Variants in EXOC4 observed in about 807,000 individuals in gnomAD.
EXOC4 encodes the protein exocyst complex component 4.
In EXOC4, 71 loss-of-function variants were observed where a neutral mutation model predicts 107.2. That is an observed-to-expected ratio of 0.66 (90% confidence interval 0.55 to 0.81). EXOC4 has a LOEUF of 0.81. Among genes scored for constraint, EXOC4 ranks in the 30% least tolerant of loss-of-function variants. The pLI is 0.00. For missense variants in EXOC4, 1,108 were observed against 1,189.6 expected (o/e 0.93, Z 1.01); for synonymous variants, 456 against 441.2 (o/e 1.03, Z -0.42).
intron 10 of EXOC4, among the ~76,000 whole-genome samples, chr7:133,779,272 A>G (rs1259147291): frequency 3.9e-5 from 6 of 152,178 alleles, no homozygotes; most frequent in South Asian, 4.1e-4. Context: ...TTTAAATGCT[A>G]TGTATTTAAT....
Position 133,897,060 on chromosome 7 carries a change from T to G in EXOC4, c.1871+1325T>G, listed in dbSNP as rs186717676. On this transcript the variant is annotated intron_variant, in intron 12 of 17. Transcript: ENST00000253861. ...AGGAGATAATGTTGAATAGGAAGATTAAGACCAACTAAAAAGGGGTCATAA... is the reference window on the plus strand; with the variant it reads ...AGGAGATAATGTTGAATAGGAAGATGAAGACCAACTAAAAAGGGGTCATAA... Among the ~76,000 whole-genome samples, 27 of 149,472 alleles carry G rather than the reference T, an allele frequency of 1.8e-4. No individual in the cohort carries two copies. In the East Asian group the frequency reaches 4.5e-3, roughly 25 times the overall value.
At chr7:133,393,143 A>G (rs542808343) in intron 7 of EXOC4, among the ~76,000 whole-genome samples, 103 of 152,204 alleles carry the variant, frequency 6.8e-4, no homozygotes, top group Admixed American at 3.9e-4. Context: ...TGTCTTACCT[A>G]TGAAGCATCC....
chr7:134,024,676 C>T (rs989493604), intron 17 of EXOC4, among the ~76,000 whole-genome samples: 3 of 152,168 alleles, frequency 2.0e-5, no homozygotes, highest in Non-Finnish European at 4.4e-5. Context: ...CAAAGTGCAT[C>T]TTCCATCATA....
chr7:133,801,406 A>C (rs1449370513), intron 10 of EXOC4, among the ~76,000 whole-genome samples: 3 of 152,176 alleles, frequency 2.0e-5, no homozygotes, highest in Non-Finnish European at 4.4e-5. Flanking sequence ...CAGATTGACT[A>C]AATGAGGCTC....
At position 133,823,853 on chromosome 7, in the gene EXOC4, ATATATATATATATATATAT is replaced by A. The variant is rs1563014608; in HGVS notation, c.1734+6329_1734+6347del. Among the ~76,000 whole-genome samples, 18 of 15,968 alleles carry A rather than the reference ATATATATATATATATATAT, an allele frequency of 1.1e-3. 1 individual carries two copies. Among genetic ancestry groups the A allele is most frequent in the Non-Finnish European group, 1.3e-3 (15 of 11,248 alleles). 10.5% of individuals were successfully genotyped at this position (15,968 alleles called of 152,430 possible). ...ATATATATATATATATTATATATAT[ATATATATATATATATATAT>A]TATATATATATATATATATATTTTA... On this transcript the variant is annotated intron_variant, in intron 11 of 17. Transcript: ENST00000253861.
chr7:133,456,306 G>A (rs987924320), intron 7 of EXOC4, among the ~76,000 whole-genome samples: 3 of 152,128 alleles, frequency 2.0e-5, no homozygotes, highest in African/African-American at 7.2e-5. Context: ...TTAGTTTTAT[G>A]TGCCCAGAAG....
At chr7:133,392,154 T>C (rs1563048627) in intron 7 of EXOC4, among the ~76,000 whole-genome samples, 1 of 152,194 alleles carries the variant, frequency 6.6e-6, no homozygotes, top group Non-Finnish European at 1.5e-5. Context: ...CCTGACAGAA[T>C]TGAATGTGTA....
Position 133,297,457 on chromosome 7 carries a change from G to A in EXOC4, c.471+8341G>A, listed in dbSNP as rs1794544374. On this transcript the variant is annotated intron_variant, in intron 3 of 17. Transcript: ENST00000253861. ...TGGTGACTATGTATAGTGTGTCATA[G>A]TGGAAACAAAGTGGATTTAAAAGCA... Among the ~76,000 whole-genome samples the A allele has an allele frequency of 1.3e-5, 2 of 152,134 alleles. 1 individual carries two copies. The highest frequency in any genetic ancestry group is 4.1e-4 in the South Asian group (2 of 4,834).
At chr7:133,953,647 C>T (rs573800807) in intron 14 of EXOC4, among the ~76,000 whole-genome samples, 3 of 151,936 alleles carry the variant, frequency 2.0e-5, no homozygotes, top group Non-Finnish European at 4.4e-5. Context: ...AAGACCCTGT[C>T]TCAAAAAGGA....
chr7:133,646,236 C>A (rs1037624817), intron 10 of EXOC4, among the ~76,000 whole-genome samples: 5 of 152,074 alleles, frequency 3.3e-5, no homozygotes, highest in Non-Finnish European at 7.4e-5. Context: ...AGAAGAAAAA[C>A]CATTACAGAT....
At chr7:133,666,807 C>T (rs1214935126) in intron 10 of EXOC4, among the ~76,000 whole-genome samples, 1 of 152,184 alleles carries the variant, frequency 6.6e-6, no homozygotes, top group African/African-American at 2.4e-5. Context: ...CAGTAGTATA[C>T]AATCAAGATC....
intron 9 of EXOC4, among the ~76,000 whole-genome samples, chr7:133,495,283 G>C (rs1007065614): frequency 5.9e-5 from 9 of 151,796 alleles, no homozygotes; most frequent in African/African-American, 2.2e-4. Context: ...CGTAACACTG[G>C]AGTTTTAGAT....
intron 10 of EXOC4, among the ~76,000 whole-genome samples, chr7:133,791,580 T>C (rs1796704498): frequency 6.6e-6 from 1 of 152,232 alleles, no homozygotes; most frequent in Non-Finnish European, 1.5e-5. Flanking sequence ...TTAATAAGCA[T>C]AGTTTGGTTA....
At chr7:133,992,518 A>T (rs986672475) in intron 14 of EXOC4, among the ~76,000 whole-genome samples, 1 of 151,860 alleles carries the variant, frequency 6.6e-6, no homozygotes, top group Non-Finnish European at 1.5e-5. Flanking sequence ...CCTGGTCTCA[A>T]GTGATTTGCC....
At chr7:134,066,798 TAC>T (rs1351491912), downstream of EXOC4, among the ~76,000 whole-genome samples, 1 of 152,088 alleles carries the variant, frequency 6.6e-6, no homozygotes, top group Non-Finnish European at 1.5e-5. Flanking sequence ...ACGAAACACA[TAC>T]ACAGTTACGT....
In EXOC4 at chr7:133,537,299, C is replaced by A. The variant is rs112675619; in HGVS notation, c.1417+57161C>A. 1.0e-3 allele frequency among the ~76,000 whole-genome samples: 154 copies of A among 147,916 alleles called. 1 individual carries two copies. In the East Asian group the frequency reaches 0.024, roughly 23 times the overall value. On this transcript the variant is annotated intron_variant, in intron 9 of 17. Coordinates refer to ENST00000253861, the MANE Select transcript of EXOC4 (RefSeq NM_021807.4). ...CTGGGTAGTTGGGATTACAGGCACC[C>A]CCCCCCCCACCACACCTGACTAATT... is the stretch of plus-strand genomic sequence containing the variant.
chr7:133,637,119 ACC>A (rs1802732148), intron 10 of EXOC4, among the ~76,000 whole-genome samples: 1 of 152,170 alleles, frequency 6.6e-6, no homozygotes, highest in South Asian at 2.1e-4. Context: ...CTAAATCCAA[ACC>A]TGGAGGAGTG....
At chr7:133,709,645 C>CTTTTTTTTTTT (rs147956984) in intron 10 of EXOC4, among the ~76,000 whole-genome samples, 3 of 118,144 alleles carry the variant, frequency 2.5e-5, no homozygotes, top group Non-Finnish European at 5.2e-5. Flanking sequence ...AATCTGTTTT[C>CTTTTTTTTTTT]TTTTTTTTTT....
intron 9 of EXOC4, among the ~76,000 whole-genome samples, chr7:133,514,455 C>T (rs919741671): frequency 2.0e-5 from 3 of 152,176 alleles, no homozygotes; most frequent in African/African-American, 7.2e-5. Flanking sequence ...AGCCACTGTG[C>T]ACGGCCTGGA....
Sources: gnomAD v4.1 joint callset for allele counts (sites outside exome capture counted in the v4.1 genomes callset) on GRCh38, gnomAD v4.1.1 for gene constraint, MANE v1.5 for transcripts, NCBI Gene and HGNC (gene_info 2026-07-23, HGNC 2026-07-21) for gene names.